The following CSMD1 variants were observed in gnomAD, a reference collection of about 807,000 sequenced individuals.
CSMD1 encodes CUB and sushi domain-containing protein 1.
Under a neutral mutation model 417.5 loss-of-function variants are expected in CSMD1, and 213 were observed. The observed-to-expected ratio is 0.51, with a 90% CI of 0.46 to 0.57. The LOEUF is 0.57. Among genes scored for constraint, CSMD1 ranks in the 20% least tolerant of loss-of-function variants. The pLI is 0.00. For missense variants in CSMD1, 6,923 were observed against 4,529.7 expected, an observed-to-expected ratio of 1.53 and a Z score of -15.17; for synonymous variants, 2,862 against 1,736.8, an observed-to-expected ratio of 1.65 and a Z score of -16.11.
chr8:4,084,566 C>T (rs1331632987), intron 3 of CSMD1, among the ~76,000 whole-genome samples: 1 of 152,100 alleles, frequency 6.6e-6, no homozygotes, highest in African/African-American at 2.4e-5. Flanking sequence ...ATGTTAGGAA[C>T]TCGATTCCTT....
At chr8:4,579,843 G>C (rs1268734376) in intron 2 of CSMD1, among the ~76,000 whole-genome samples, 2 of 152,104 alleles carry the variant, frequency 1.3e-5, no homozygotes, top group Non-Finnish European at 2.9e-5. Context: ...TCAATTCTCA[G>C]ATAAACATTT....
intron 52 of CSMD1, among the ~76,000 whole-genome samples, chr8:3,005,032 G>C (rs1026864755): frequency 2.0e-5 from 3 of 152,246 alleles, no homozygotes; most frequent in Admixed American, 2.0e-4. Context: ...CCAGCTGCTC[G>C]GGAGGCTGAG....
chr8:3,293,465 A>G (rs1022943525), intron 25 of CSMD1, among the ~76,000 whole-genome samples: 4 of 152,198 alleles, frequency 2.6e-5, no homozygotes, highest in Admixed American at 6.5e-5. Context: ...AGGTACACCA[A>G]TCAGACGTAG....
chr8:4,743,681 A>G lies in CSMD1; in HGVS notation c.86-106123T>C, dbSNP rs191156840. Among the ~76,000 whole-genome samples the G allele has an allele frequency of 9.2e-5, 14 of 152,326 alleles. No individual in the cohort carries two copies. The East Asian group carries it at 2.7e-3, about 29-fold the overall frequency. On this transcript the variant is annotated intron_variant, in intron 1 of 69. Coordinates refer to ENST00000635120, the MANE Select transcript of CSMD1 (RefSeq NM_033225.6). ...TTGTGAGTTTAGTTAATTTGAGTCA[A>G]AGCTTTCTTCTGCTCTAACCACTTC...
intron 3 of CSMD1, among the ~76,000 whole-genome samples, chr8:4,097,946 T>C (rs527368984): frequency 1.3e-5 from 2 of 152,346 alleles, no homozygotes; most frequent in South Asian, 4.2e-4. Flanking sequence ...TAATTTCTGT[T>C]TGATCATGGT....
rs1024453518 is a variant in CSMD1, at chr8:3,359,478, G to C, written c.3116-138C>G. ...ATATTTTCCCCAAACACTTATAACT[G>C]TTACGTGCATTTTTTTTCTTGTACT... On this transcript the variant is annotated intron_variant, in intron 20 of 69. Coordinates refer to ENST00000635120, the MANE Select transcript of CSMD1 (RefSeq NM_033225.6). 4 of 615,336 alleles carry C rather than the reference G, an allele frequency of 6.5e-6. No individual in the cohort carries two copies. The African/African-American group carries it at 7.6e-5, about 12-fold the overall frequency. The allele number at this position is 615,336 out of a possible 1,614,324, so 38.1% of individuals were successfully genotyped here.
intron 3 of CSMD1, among the ~76,000 whole-genome samples, chr8:4,337,903 C>A (rs1054594352): frequency 1.3e-5 from 2 of 151,974 alleles, no homozygotes; most frequent in African/African-American, 4.8e-5. Flanking sequence ...ACAAAATGAC[C>A]CCATCACTGA....
In CSMD1 at chr8:3,087,104, G is replaced by C. The variant is rs1393920120; in HGVS notation, c.7467C>G (p.Leu2489=). ...GMYQWDSLTP[L]CQAVSCGIPE... is the part of the protein sequence containing the mutation. ...TGAAAACGCATTTCTTACCCTGGCA[G>C]AGTGGCGTGAGGGAGTCCCACTGGT... Residue 2489 remains leucine, a synonymous_variant, in exon 49 of 70, where the codon CTC becomes CTG. Coordinates refer to ENST00000635120, the MANE Select transcript of CSMD1 (RefSeq NM_033225.6). 1 of 1,613,010 alleles carries C rather than the reference G, an allele frequency of 6.2e-7. No homozygotes were observed. The highest frequency in any genetic ancestry group is 8.5e-7 in the Non-Finnish European group (1 of 1,179,636).
intron 51 of CSMD1, among the ~76,000 whole-genome samples, chr8:3,025,829 T>C (rs557979904): frequency 6.6e-6 from 1 of 152,372 alleles, no homozygotes; most frequent in African/African-American, 2.4e-5. Flanking sequence ...TGTGAGCATG[T>C]AATTGATATG....
intron 2 of CSMD1, among the ~76,000 whole-genome samples, chr8:4,446,050 G>A (rs1798769369): frequency 1.3e-5 from 2 of 152,162 alleles, no homozygotes; most frequent in African/African-American, 4.8e-5. Flanking sequence ...AGCCCAAGAA[G>A]AGGAGACGAG....
intron 10 of CSMD1, among the ~76,000 whole-genome samples, chr8:3,539,978 C>A (rs1231015646): frequency 6.6e-6 from 1 of 152,136 alleles, no homozygotes; most frequent in East Asian, 1.9e-4. Context: ...AAACAGTCTT[C>A]TAAAGCCTGC....
chr8:3,568,899 G>A (rs1411281553), intron 10 of CSMD1, among the ~76,000 whole-genome samples: 1 of 152,014 alleles, frequency 6.6e-6, no homozygotes, highest in Non-Finnish European at 1.5e-5. Context: ...ACTTTCCAAT[G>A]AAGACCCCAG....
intron 1 of CSMD1, among the ~76,000 whole-genome samples, chr8:4,899,770 C>T (rs900684191): frequency 2.0e-5 from 3 of 152,122 alleles, no homozygotes; most frequent in African/African-American, 7.2e-5. Flanking sequence ...TGCACTATAA[C>T]TTCATCTTCC....
intron 5 of CSMD1, among the ~76,000 whole-genome samples, chr8:3,823,286 G>C (rs373657567): frequency 6.6e-6 from 1 of 152,102 alleles, no homozygotes; most frequent in Admixed American, 6.5e-5. Context: ...ATAATGTCTG[G>C]AATCGCTTCC....
intron 5 of CSMD1, among the ~76,000 whole-genome samples, chr8:3,988,336 A>C (rs1318205135): frequency 1.3e-5 from 2 of 152,254 alleles, no homozygotes; most frequent in Admixed American, 1.3e-4. Flanking sequence ...AAATTCTGAA[A>C]TAGCATAACT....
chr8:3,955,058 G>T (rs910932729), intron 5 of CSMD1, among the ~76,000 whole-genome samples: 1 of 152,142 alleles, frequency 6.6e-6, no homozygotes, highest in African/African-American at 2.4e-5. Context: ...GAGGCAATGC[G>T]ATAATTATGA....
Position 4,314,562 on chromosome 8 carries a change from C to A in CSMD1, c.415+105391G>T, listed in dbSNP as rs150472652. Among the ~76,000 whole-genome samples the A allele has an allele frequency of 2.6e-5, 4 of 152,026 alleles. No individual in the cohort carries two copies. The East Asian group carries it at 7.8e-4, about 30-fold the overall frequency. The stretch of plus-strand genomic sequence containing the variant: ...ACTAAAGATGATTCTAAACTCCAGT[C>A]CACAATCACTTTTACTTATGCTACT... On this transcript the variant is annotated intron_variant, in intron 3 of 69. Transcript: ENST00000635120.
intron 5 of CSMD1, among the ~76,000 whole-genome samples, chr8:3,959,230 T>A (rs1812162843): frequency 1.3e-5 from 2 of 152,194 alleles, no homozygotes; most frequent in African/African-American, 2.4e-5. Context: ...CAGAGCAGGG[T>A]GGGACACGTG....
At chr8:3,412,821 G>C (rs921253717) in intron 12 of CSMD1, among the ~76,000 whole-genome samples, 2 of 152,212 alleles carry the variant, frequency 1.3e-5, no homozygotes, top group East Asian at 1.9e-4. Context: ...TTAATGCTTG[G>C]GATGCCTTGA....
Sources: allele counts gnomAD v4.1 joint callset (sites outside exome capture counted in the v4.1 genomes callset), GRCh38; gene constraint gnomAD v4.1.1; transcripts MANE v1.5; gene names NCBI Gene and HGNC (gene_info 2026-07-23, HGNC 2026-07-21).